GLIS3: variants seen among roughly 807,000 people sequenced by gnomAD.
The protein encoded by GLIS3 is zinc finger protein GLIS3.
A neutral mutation model predicts 78.6 loss-of-function variants in GLIS3; 53 were observed. The observed-to-expected ratio is 0.67, with a 90% confidence interval of 0.54 to 0.85. The LOEUF is 0.85. Among genes scored for constraint, GLIS3 ranks in the 40% least tolerant of loss-of-function variants. GLIS3 has a pLI of 0.00. For synonymous variants in GLIS3, 684 were observed against 509.9 expected (o/e 1.34, Z -4.60); for missense variants, 1,703 against 1,231.1 (o/e 1.38, Z -5.74).
chr9:4,221,456 G>A (rs1821322587), intron 2 of GLIS3, among the ~76,000 whole-genome samples: 1 of 152,162 alleles, frequency 6.6e-6, no homozygotes, highest in South Asian at 2.1e-4. Flanking sequence ...ATCATGCAGG[G>A]TCCATGAATT....
the GLIS3 span, among the ~76,000 whole-genome samples, chr9:4,432,592 G>C: frequency 7.1e-6 from 1 of 141,154 alleles, no homozygotes; most frequent in East Asian, 2.0e-4. Flanking sequence ...CCAAAAATCT[G>C]TTTGTAAATT....
chr9:3,869,794 G>C lies in GLIS3; in HGVS notation c.2297+9633C>G, dbSNP rs1456087964. Among the ~76,000 whole-genome samples the C allele has an allele frequency of 3.3e-5, 5 of 152,138 alleles. No individual in the cohort carries two copies. In the East Asian group the frequency reaches 9.6e-4, roughly 29 times the overall value. On this transcript the variant is annotated intron_variant, in intron 8 of 10. Coordinates refer to ENST00000381971, the MANE Select transcript of GLIS3 (RefSeq NM_001042413.2). ...GGTCACCAGGAAACTTAAGGTTCCTGCTCACCAAAAGCTAACAATTCAGTT... is the reference window on the plus strand; with the variant it reads ...GGTCACCAGGAAACTTAAGGTTCCTCCTCACCAAAAGCTAACAATTCAGTT...
At position 4,344,305 on chromosome 9, in the gene GLIS3, T is replaced by C. The variant is rs968755628; in HGVS notation, n.264+2776A>G. ...TTCAAGGCCACTAATGACCTCCGTATTGGTAAAGCCAGCAGTCAATTCTCA... is the reference window on the plus strand; with the variant it reads ...TTCAAGGCCACTAATGACCTCCGTACTGGTAAAGCCAGCAGTCAATTCTCA... On this transcript the variant is annotated intron_variant and non_coding_transcript_variant, in intron 2 of 4. Transcript: ENST00000471664. Among the ~76,000 whole-genome samples, 6 of 152,194 alleles carry C rather than the reference T, an allele frequency of 3.9e-5. 1 individual carries two copies. In the South Asian group the frequency reaches 8.3e-4, roughly 21 times the overall value.
intron 4 of GLIS3, among the ~76,000 whole-genome samples, chr9:3,964,861 G>A (rs1300425120): frequency 6.6e-6 from 1 of 152,110 alleles, no homozygotes; most frequent in Non-Finnish European, 1.5e-5. Flanking sequence ...AATAGTGAAG[G>A]TTATCTTAAA....
chr9:4,392,045 T>C, the GLIS3 span, among the ~76,000 whole-genome samples: 8 of 152,114 alleles, frequency 5.3e-5, no homozygotes, highest in Admixed American at 5.2e-4. Context: ...TGTGGTACAT[T>C]ATACACCATG....
chr9:4,037,355 C>T (rs1189738491), intron 4 of GLIS3, among the ~76,000 whole-genome samples: 1 of 152,124 alleles, frequency 6.6e-6, no homozygotes, highest in Admixed American at 6.6e-5. Flanking sequence ...TCAGTTTTCT[C>T]ATCTGTAAAA....
At position 3,991,749 on chromosome 9, in the gene GLIS3, G is replaced by GAC. The variant is rs1480128178; in HGVS notation, c.1711-54561_1711-54560insGT. ...TCTGTCGCCCAGGCTGGAGTGCAGT[G>GAC]GTGGGATCTCGGCTCACTGCAAGCT... On this transcript the variant is annotated intron_variant, in intron 4 of 10. Coordinates refer to ENST00000381971, the MANE Select transcript of GLIS3 (RefSeq NM_001042413.2). Among the ~76,000 whole-genome samples, 820 of 142,534 alleles carry GAC rather than the reference G, an allele frequency of 5.8e-3. 5 individuals are homozygous for GAC. Among genetic ancestry groups the GAC allele is most frequent in the Middle Eastern group, 0.015 (4 of 260 alleles). 93.5% of individuals were successfully genotyped at this position (142,534 alleles called of 152,430 possible).
rs989850752 is a variant in GLIS3, at chr9:4,327,713, G to T, written n.265-17185C>A. Among the ~76,000 whole-genome samples the T allele has an allele frequency of 2.6e-5, 4 of 152,310 alleles. No homozygotes were observed. The Middle Eastern group carries it at 0.01, about 389-fold the overall frequency. On this transcript the variant is annotated intron_variant and non_coding_transcript_variant, in intron 2 of 4. Coordinates refer to the GLIS3 transcript ENST00000471664. ...GGCGCCATCCACTTTGCAGTTAATG[G>T]GGCTTGAGCCCCTGGAATTTTGCAC...
At chr9:4,257,187 A>T (rs1261333026) in intron 2 of GLIS3, among the ~76,000 whole-genome samples, 2 of 152,248 alleles carry the variant, frequency 1.3e-5, no homozygotes, top group Non-Finnish European at 2.9e-5. Context: ...ACTGCCATTT[A>T]TGACAATATG....
chr9:4,031,494 G>C (rs776270907), intron 4 of GLIS3, among the ~76,000 whole-genome samples: 7 of 152,202 alleles, frequency 4.6e-5, no homozygotes, highest in Non-Finnish European at 1.5e-5. Flanking sequence ...GAGGTAAGAA[G>C]GGAGAACTAC....
intron 3 of GLIS3, among the ~76,000 whole-genome samples, chr9:4,119,241 T>A (rs2130885610): frequency 6.6e-6 from 1 of 152,356 alleles, no homozygotes; most frequent in Non-Finnish European, 1.5e-5. Context: ...CTGATACCTG[T>A]CAAAGCCAAC....
rs59495657 is a variant in GLIS3, at chr9:3,991,683, ATTTTTTTTTTTT to A, written c.1711-54506_1711-54495del. 8.5e-3 allele frequency among the ~76,000 whole-genome samples: 751 copies of A among 88,014 alleles called. 3 individuals carry two copies. The highest frequency in any genetic ancestry group is 0.023 in the Middle Eastern group (3 of 128). 57.7% of individuals were successfully genotyped at this position (88,014 alleles called of 152,430 possible). On this transcript the variant is annotated intron_variant, in intron 4 of 10. Transcript: ENST00000381971. ...GTTCAGAATTTCATTAAGTAGGCTG[ATTTTTTTTTTTT>A]TTTTTTTTTTTTTGAGACGGAGTCT... is the stretch of plus-strand genomic sequence containing the variant.
chr9:3,888,020 G>C (rs1822191113), intron 7 of GLIS3, among the ~76,000 whole-genome samples: 1 of 152,088 alleles, frequency 6.6e-6, no homozygotes, highest in African/African-American at 2.4e-5. Flanking sequence ...CAGAAAGTCA[G>C]TAAAATAGCT....
intron 1 of GLIS3, among the ~76,000 whole-genome samples, chr9:4,288,103 A>G (rs1422386195): frequency 1.3e-5 from 2 of 152,322 alleles, no homozygotes; most frequent in Non-Finnish European, 2.9e-5. Flanking sequence ...TTACATTGGT[A>G]AAATTCCAAT....
intron 2 of GLIS3, among the ~76,000 whole-genome samples, chr9:4,342,241 T>G (rs1026703030): frequency 1.3e-5 from 2 of 152,206 alleles, no homozygotes; most frequent in African/African-American, 4.8e-5. Context: ...ATTTAGGTCT[T>G]TAACCCATCT....
chr9:4,355,302 A>AG, the GLIS3 span, among the ~76,000 whole-genome samples: 71 of 152,222 alleles, frequency 4.7e-4, 1 homozygote, highest in East Asian at 0.014. Flanking sequence ...CTTGAGCCTC[A>AG]GGTTGGCTTT....
chr9:3,888,213 A>G (rs909020055), intron 7 of GLIS3, among the ~76,000 whole-genome samples: 1 of 152,120 alleles, frequency 6.6e-6, no homozygotes, highest in Non-Finnish European at 1.5e-5. Context: ...TTTTGGAAAT[A>G]AAAGTTTTAC....
chr9:4,131,280 T>G (rs1832953549), intron 2 of GLIS3, among the ~76,000 whole-genome samples: 1 of 152,208 alleles, frequency 6.6e-6, no homozygotes, highest in South Asian at 2.1e-4. Flanking sequence ...TGGAATGAGT[T>G]AAGACTTTGG....
chr9:4,414,423 T>C, the GLIS3 span, among the ~76,000 whole-genome samples: 20 of 152,312 alleles, frequency 1.3e-4, no homozygotes, highest in South Asian at 1.7e-3. Flanking sequence ...TATGTGACAA[T>C]GGACAAGTTA....
Sources: gnomAD v4.1 joint callset for allele counts (sites outside exome capture counted in the v4.1 genomes callset) on GRCh38, gnomAD v4.1.1 for gene constraint, MANE v1.5 for transcripts, NCBI Gene and HGNC (gene_info 2026-07-23, HGNC 2026-07-21) for gene names.